The following PRELID2 variants were observed in gnomAD, a reference collection of about 807,000 sequenced individuals.
PRELID2 encodes PRELI domain-containing protein 2.
A neutral mutation model predicts 28.4 loss-of-function variants in PRELID2; 25 were observed. The observed-to-expected ratio is 0.88, with a 90% CI of 0.64 to 1.23. The LOEUF (loss-of-function observed/expected upper bound fraction) is 1.23, where lower values mean the gene tolerates loss of function less well. Ranked by LOEUF, PRELID2 falls within the 50% of genes most tolerant of loss-of-function variation. The probability of loss-of-function intolerance (pLI) is 0.00; values close to 1 mark genes in which losing one functional copy is unlikely to be tolerated. For missense variants in PRELID2, 201 were observed against 214.4 expected, an observed-to-expected ratio of 0.94 and a Z score of 0.39; for synonymous variants, 76 against 71.6, an observed-to-expected ratio of 1.06 and a Z score of -0.31.
intron 1 of PRELID2, among the ~76,000 whole-genome samples, chr5:145,682,281 T>C (rs1754951620): frequency 6.6e-6 from 1 of 152,222 alleles, no homozygotes; most frequent in Admixed American, 6.5e-5. Flanking sequence ...TTAGTTTTGG[T>C]TGGGAGGAAA....
At chr5:145,496,479 G>A (rs1752310894) in intron 1 of PRELID2, among the ~76,000 whole-genome samples, 1 of 152,184 alleles carries the variant, frequency 6.6e-6, no homozygotes, top group Non-Finnish European at 1.5e-5. Flanking sequence ...CTGAAAGTAA[G>A]AGATAAACCA....
At chr5:145,733,889 G>C in intron 1 of PRELID2, among the ~76,000 whole-genome samples, 1 of 152,154 alleles carries the variant, frequency 6.6e-6, no homozygotes, top group East Asian at 1.9e-4. Flanking sequence ...TTAACGTGAA[G>C]ATACTATGCT....
chr5:145,422,426 G>T, the PRELID2 span, among the ~76,000 whole-genome samples: 1 of 152,270 alleles, frequency 6.6e-6, no homozygotes, highest in East Asian at 1.9e-4. Flanking sequence ...CCTGTATTGG[G>T]TGCATATATT....
chr5:145,449,494 T>G, the PRELID2 span, among the ~76,000 whole-genome samples: 1 of 152,084 alleles, frequency 6.6e-6, no homozygotes, highest in East Asian at 1.9e-4. Context: ...GCTCTTCTGT[T>G]CATCAGCTCA....
chr5:145,800,246 G>A (rs1753038605), intron 4 of PRELID2, among the ~76,000 whole-genome samples: 1 of 150,260 alleles, frequency 6.7e-6, no homozygotes, highest in African/African-American at 2.4e-5. Context: ...TACAATAAAA[G>A]GAAGCCTTCA....
At chr5:145,264,206 C>T in the PRELID2 span, among the ~76,000 whole-genome samples, 1 of 152,198 alleles carries the variant, frequency 6.6e-6, no homozygotes, top group East Asian at 1.9e-4. Flanking sequence ...AAAAACAAAA[C>T]TACAGACCAA....
chr5:145,576,569 G>T (rs1753062309), intron 1 of PRELID2, among the ~76,000 whole-genome samples: 1 of 151,824 alleles, frequency 6.6e-6, no homozygotes, highest in African/African-American at 2.4e-5. Flanking sequence ...TCCAGGGATT[G>T]CCTCCTACAG....
At chr5:145,431,681 C>T in the PRELID2 span, among the ~76,000 whole-genome samples, 10 of 152,138 alleles carry the variant, frequency 6.6e-5, no homozygotes, top group African/African-American at 1.7e-4. Flanking sequence ...AATTAAGAAA[C>T]GTTCTACAAA....
intron 1 of PRELID2, among the ~76,000 whole-genome samples, chr5:145,726,321 A>G (rs1007317199): frequency 6.5e-4 from 90 of 137,608 alleles, no homozygotes; most frequent in African/African-American, 2.6e-3. Context: ...GAGAGAGAGA[A>G]AGAGAGAAAG....
At chr5:145,252,075 C>T in the PRELID2 span, among the ~76,000 whole-genome samples, 3 of 152,116 alleles carry the variant, frequency 2.0e-5, no homozygotes, top group Admixed American at 6.6e-5. Flanking sequence ...GAATCAGAAA[C>T]GCCTAGAGGT....
chr5:145,382,608 T>C, the PRELID2 span, among the ~76,000 whole-genome samples: 40 of 152,098 alleles, frequency 2.6e-4, no homozygotes, highest in East Asian at 7.2e-3. Flanking sequence ...CCATCCAGCA[T>C]TTTTTCTAGC....
chr5:145,673,356 T>C (rs895064534), intron 1 of PRELID2, among the ~76,000 whole-genome samples: 7 of 152,076 alleles, frequency 4.6e-5, no homozygotes, highest in African/African-American at 1.4e-4. Flanking sequence ...GCCAACTTCA[T>C]AAGTGTATGG....
intron 6 of PRELID2, among the ~76,000 whole-genome samples, chr5:145,763,477 T>C (rs566069026): frequency 1.6e-4 from 25 of 152,336 alleles, no homozygotes; most frequent in African/African-American, 5.5e-4. Flanking sequence ...TACAGAGGTT[T>C]CATATTAATC....
intron 1 of PRELID2, among the ~76,000 whole-genome samples, chr5:145,574,055 G>A (rs933776401): frequency 2.6e-5 from 4 of 152,126 alleles, no homozygotes; most frequent in Non-Finnish European, 5.9e-5. Flanking sequence ...CTTAAAATAC[G>A]AAGATTCTCA....
chr5:145,783,750 C>T (rs532888805), intron 5 of PRELID2, among the ~76,000 whole-genome samples: 32 of 152,228 alleles, frequency 2.1e-4, no homozygotes, highest in African/African-American at 7.0e-4. Flanking sequence ...TGCAAGTCTC[C>T]GATATATAGT....
chr5:145,763,511 A>T (rs149553271), intron 6 of PRELID2, among the ~76,000 whole-genome samples: 192 of 152,332 alleles, frequency 1.3e-3, no homozygotes, highest in African/African-American at 4.5e-3. Flanking sequence ...ACCTGCAAAT[A>T]AGCAGAAAGA....
At chr5:145,663,842 G>A (rs1195443937) in intron 1 of PRELID2, among the ~76,000 whole-genome samples, 2 of 152,086 alleles carry the variant, frequency 1.3e-5, no homozygotes, top group African/African-American at 4.8e-5. Flanking sequence ...ACTAATTGAA[G>A]AGATTCCTAT....
intron 1 of PRELID2, among the ~76,000 whole-genome samples, chr5:145,629,637 T>G (rs1753904859): frequency 6.6e-6 from 1 of 152,182 alleles, no homozygotes; most frequent in South Asian, 2.1e-4. Context: ...AGGAATTATC[T>G]AAACTTGATC....
At chr5:145,315,858 A>T in the PRELID2 span, among the ~76,000 whole-genome samples, 1 of 152,218 alleles carries the variant, frequency 6.6e-6, no homozygotes, top group Non-Finnish European at 1.5e-5. Flanking sequence ...TGTCTATCAG[A>T]ACATTAAGTT....
Sources: allele counts gnomAD v4.1 joint callset (sites outside exome capture counted in the v4.1 genomes callset), GRCh38; gene constraint gnomAD v4.1.1; transcripts MANE v1.5; gene names NCBI Gene and HGNC (gene_info 2026-07-23, HGNC 2026-07-21).